TANGO6: variants seen among roughly 807,000 people sequenced by gnomAD.
TANGO6 encodes transport and golgi organization 6 homolog.
A neutral mutation model predicts 114.2 loss-of-function variants in TANGO6; 90 were observed. The observed-to-expected ratio is 0.79, with a 90% CI of 0.66 to 0.94. The LOEUF is 0.94. Ranked by LOEUF, TANGO6 falls within the 40% of genes least tolerant of loss-of-function variation. The pLI is 0.00. For synonymous variants in TANGO6, 477 were observed against 509.8 expected (o/e 0.94, Z 0.87); for missense variants, 1,274 against 1,315.3 (o/e 0.97, Z 0.49).
chr16:68,949,052 G>A (rs1311896399), intron 14 of TANGO6, among the ~76,000 whole-genome samples: 1 of 152,180 alleles, frequency 6.6e-6, no homozygotes, highest in Non-Finnish European at 1.5e-5. Context: ...TGAGCGTGGT[G>A]GTGCATGCCT....
At chr16:69,045,262 G>A (rs1959835983) in intron 17 of TANGO6, among the ~76,000 whole-genome samples, 1 of 151,312 alleles carries the variant, frequency 6.6e-6, no homozygotes, top group South Asian at 2.1e-4. Context: ...AGACCATCCT[G>A]GCTAACATGG....
At chr16:68,982,702 G>A (rs1963850386) in intron 15 of TANGO6, among the ~76,000 whole-genome samples, 1 of 139,962 alleles carries the variant, frequency 7.1e-6, no homozygotes, top group South Asian at 2.3e-4. Flanking sequence ...GAACTCCTGG[G>A]CTCAAGCAAT....
chr16:68,880,265 C>A (rs1962437806), intron 6 of TANGO6, among the ~76,000 whole-genome samples: 1 of 152,190 alleles, frequency 6.6e-6, no homozygotes, highest in Non-Finnish European at 1.5e-5. Flanking sequence ...AGCCACCACA[C>A]CTGGCCTAAA....
chr16:68,980,409 C>CTA (rs1231646458), intron 15 of TANGO6, among the ~76,000 whole-genome samples: 103 of 67,980 alleles, frequency 1.5e-3, no homozygotes, highest in Middle Eastern at 9.1e-3. Context: ...CTCTCTCTCT[C>CTA]TATATATATA....
At chr16:69,023,821 T>C (rs1248553582) in intron 16 of TANGO6, among the ~76,000 whole-genome samples, 1 of 152,204 alleles carries the variant, frequency 6.6e-6, no homozygotes. Flanking sequence ...CAGTAAATTA[T>C]TGAAAAGATG....
intron 12 of TANGO6, 116 bp from the exon 13 acceptor site, chr16:68,927,452 C>T: frequency 8.9e-7 from 1 of 1,123,882 alleles, no homozygotes; most frequent in South Asian, 1.5e-5. Flanking sequence ...ACTGATTACA[C>T]CATGAGCAAG....
chr16:69,042,889 T>C lies in TANGO6; in HGVS notation c.3108+2468T>C, dbSNP rs926367125. ...GGACTTTGTACTATCTTTGCAACTT[T>C]TGTGTAAATCTAAAATTATTTCAAA... On this transcript the variant is annotated intron_variant, in intron 17 of 17. Transcript: ENST00000261778. Among the ~76,000 whole-genome samples, 18 of 152,256 alleles carry C rather than the reference T, an allele frequency of 1.2e-4. 1 individual carries two copies. The South Asian group carries it at 3.7e-3, about 32-fold the overall frequency.
At chr16:68,940,055 A>G (rs1963336045) in intron 14 of TANGO6, among the ~76,000 whole-genome samples, 1 of 140,982 alleles carries the variant, frequency 7.1e-6, no homozygotes, top group African/African-American at 2.7e-5. Context: ...TCCTTCCTTC[A>G]TTTCCTTTCT....
At chr16:69,019,368 C>T (rs189598578) in intron 15 of TANGO6, among the ~76,000 whole-genome samples, 1 of 152,116 alleles carries the variant, frequency 6.6e-6, no homozygotes, top group Non-Finnish European at 1.5e-5. Context: ...TGGCAGCATA[C>T]GTTGATGTTA....
intron 15 of TANGO6, among the ~76,000 whole-genome samples, chr16:68,986,676 T>C (rs963070216): frequency 1.3e-4 from 20 of 151,918 alleles, no homozygotes; most frequent in African/African-American, 4.1e-4. Flanking sequence ...GAGGCCCAGG[T>C]GGCAGATCAC....
chr16:68,844,952 C>T (rs1961780078), intron 1 of TANGO6, among the ~76,000 whole-genome samples: 2 of 148,304 alleles, frequency 1.3e-5, no homozygotes, highest in East Asian at 2.0e-4. Flanking sequence ...GGTCACTTGT[C>T]TTCTAACGGC....
At chr16:69,051,837 C>G (rs1399199446) in intron 17 of TANGO6, among the ~76,000 whole-genome samples, 1 of 152,006 alleles carries the variant, frequency 6.6e-6, no homozygotes, top group Non-Finnish European at 1.5e-5. Context: ...CAGAGCGAGA[C>G]TGTCTCAAAA....
intron 15 of TANGO6, among the ~76,000 whole-genome samples, chr16:68,981,327 C>T (rs1216341305): frequency 6.7e-6 from 1 of 148,564 alleles, no homozygotes; most frequent in Non-Finnish European, 1.5e-5. Context: ...TCTCCTGCCT[C>T]AGCCCCCTGA....
intron 14 of TANGO6, among the ~76,000 whole-genome samples, chr16:68,935,508 A>G (rs1367603183): frequency 3.9e-5 from 6 of 152,166 alleles, no homozygotes; most frequent in African/African-American, 7.2e-5. Context: ...TGAGAACTCA[A>G]TACCCTAGGA....
At chr16:69,051,485 G>A (rs766541892) in intron 17 of TANGO6, among the ~76,000 whole-genome samples, 4 of 152,116 alleles carry the variant, frequency 2.6e-5, no homozygotes, top group Admixed American at 6.6e-5. Context: ...ACAACACGGT[G>A]AAACATGGCC....
intron 7 of TANGO6, among the ~76,000 whole-genome samples, chr16:68,899,191 T>C (rs1207042633): frequency 6.6e-6 from 1 of 152,044 alleles, no homozygotes; most frequent in Non-Finnish European, 1.5e-5. Context: ...GGAATATCAC[T>C]CGAGCTTGGA....
At chr16:68,947,393 G>A (rs957043384) in intron 14 of TANGO6, among the ~76,000 whole-genome samples, 4 of 151,948 alleles carry the variant, frequency 2.6e-5, no homozygotes, top group African/African-American at 9.6e-5. Flanking sequence ...GTCGAAGGTT[G>A]CGGTGAGCCA....
At chr16:68,885,967 A>C (rs1962534206) in intron 7 of TANGO6, among the ~76,000 whole-genome samples, 1 of 152,198 alleles carries the variant, frequency 6.6e-6, no homozygotes, top group South Asian at 2.1e-4. Flanking sequence ...GGACCTGCCA[A>C]ACTTTTCCGA....
At chr16:68,882,481 A>G (rs560417249) in intron 7 of TANGO6, among the ~76,000 whole-genome samples, 2 of 151,872 alleles carry the variant, frequency 1.3e-5, no homozygotes, top group Admixed American at 6.6e-5. Flanking sequence ...TGGGTGACAG[A>G]GCGAGACTCC....
Sources: gnomAD v4.1 joint callset for allele counts (sites outside exome capture counted in the v4.1 genomes callset) on GRCh38, gnomAD v4.1.1 for gene constraint, MANE v1.5 for transcripts, NCBI Gene and HGNC (gene_info 2026-07-23, HGNC 2026-07-21) for gene names.